Variants in CNTN3 observed in about 807,000 individuals in gnomAD.
CNTN3 encodes the protein contactin-3.
CNTN3 carries 60 observed loss-of-function variants against 119.1 expected under a neutral mutation model. The observed-to-expected ratio is 0.50, with a 90% CI of 0.41 to 0.62. CNTN3 has a LOEUF of 0.62. Ranked by LOEUF, CNTN3 falls within the 20% of genes least tolerant of loss-of-function variation. The pLI is 0.00. For synonymous variants in CNTN3, 450 were observed against 438.7 expected, an observed-to-expected ratio of 1.03 and a Z score of -0.32; for missense variants, 1,101 against 1,242.4, an observed-to-expected ratio of 0.89 and a Z score of 1.71.
intron 5 of CNTN3, among the ~76,000 whole-genome samples, chr3:74,376,632 C>A (rs756910017): frequency 1.3e-5 from 2 of 151,932 alleles, no homozygotes; most frequent in Non-Finnish European, 2.9e-5. Flanking sequence ...GTAATAATAA[C>A]AGAAATAAAG....
chr3:74,469,108 T>A (rs2106996012), intron 4 of CNTN3, among the ~76,000 whole-genome samples: 1 of 152,246 alleles, frequency 6.6e-6, no homozygotes, highest in Admixed American at 6.5e-5. Flanking sequence ...AATCTTAGAA[T>A]CACAGAAGGG....
intron 20 of CNTN3, among the ~76,000 whole-genome samples, chr3:74,282,500 G>A (rs989163755): frequency 1.3e-5 from 2 of 152,176 alleles, no homozygotes; most frequent in Non-Finnish European, 2.9e-5. Context: ...CTGCTCCTAT[G>A]TGCTGGGTTT....
At chr3:74,482,480 T>C (rs945656424) in intron 4 of CNTN3, among the ~76,000 whole-genome samples, 4 of 152,044 alleles carry the variant, frequency 2.6e-5, no homozygotes, top group African/African-American at 9.7e-5. Context: ...ATATCAGATG[T>C]ATGGCCTTTT....
intron 17 of CNTN3, among the ~76,000 whole-genome samples, chr3:74,299,630 A>C (rs1430612637): frequency 6.6e-6 from 1 of 152,212 alleles, no homozygotes; most frequent in East Asian, 1.9e-4. Context: ...GGAATAGTGG[A>C]TGGCTCAGAG....
chr3:74,337,243 C>T (rs190098872), intron 11 of CNTN3, among the ~76,000 whole-genome samples: 16 of 152,140 alleles, frequency 1.1e-4, no homozygotes, highest in African/African-American at 3.9e-4. Context: ...TCTTAGTATA[C>T]ACTTAGAGTA....
intron 13 of CNTN3, among the ~76,000 whole-genome samples, chr3:74,304,992 C>A (rs922815497): frequency 6.6e-6 from 1 of 152,126 alleles, no homozygotes; most frequent in Non-Finnish European, 1.5e-5. Context: ...ACTCTATGAT[C>A]TTTTAAGGGA....
chr3:74,593,222 C>T (rs1182693233), intron 1 of CNTN3, among the ~76,000 whole-genome samples: 3 of 151,904 alleles, frequency 2.0e-5, no homozygotes, highest in African/African-American at 7.2e-5. Flanking sequence ...GTTTGACATA[C>T]ATAATACATT....
chr3:74,396,606 C>T (rs753441822), intron 5 of CNTN3, among the ~76,000 whole-genome samples: 10 of 151,784 alleles, frequency 6.6e-5, no homozygotes, highest in Non-Finnish European at 1.3e-4. Flanking sequence ...ATTAACTGGG[C>T]GTCATGGTGG....
At chr3:74,442,174 CACAGAGAG>C (rs201766552) in intron 4 of CNTN3, among the ~76,000 whole-genome samples, 1,146 of 113,674 alleles carry the variant, frequency 0.01, 11 homozygotes, top group African/African-American at 0.03. Flanking sequence ...CACACACACA[CACAGAGAG>C]AGAGAGATTA....
rs780366890 is a variant in CNTN3, at chr3:74,295,216, G to C, written c.2422C>G (p.Gln808Glu). The C allele has an allele frequency of 3.1e-6, 5 of 1,609,392 alleles. No individual in the cohort carries two copies. In the Admixed American group the frequency reaches 6.7e-5, roughly 21 times the overall value. The change falls in exon 19 of 23, where the codon CAA becomes GAA. Residue 808 changes from glutamine (Q) to glutamate (E), a missense_variant. Coordinates refer to ENST00000263665, the MANE Select transcript of CNTN3 (RefSeq NM_020872.3). ...GAAGATAGGCTATTTGCAGAGACTT[G>C]AGATGGGGCCACTGTAGGCTCTGTT... ...AEEEPTVAPS[Q>E]VSANSLSSSE...
intron 5 of CNTN3, among the ~76,000 whole-genome samples, chr3:74,411,518 G>T (rs1265251625): frequency 1.3e-5 from 2 of 152,132 alleles, no homozygotes; most frequent in African/African-American, 2.4e-5. Context: ...AAAGCTCTGA[G>T]AAATAAAAGA....
rs1559678324 is a variant in CNTN3, at chr3:74,610,367, GC to G, written c.-81+4023del. ...AAAAACCCTGTGAGTTTGTGTGTGTGCACACGTGTGTGCGTATGTGTGTTTA... is the reference window on the plus strand; with the variant it reads ...AAAAACCCTGTGAGTTTGTGTGTGTGACACGTGTGTGCGTATGTGTGTTTA... On this transcript the variant is annotated intron_variant, in intron 1 of 22. Transcript: ENST00000263665. Among the ~76,000 whole-genome samples the G allele has an allele frequency of 1.3e-4, 20 of 151,680 alleles. No homozygotes were observed. The South Asian group carries it at 4.2e-3, about 32-fold the overall frequency.
chr3:74,314,109 T>A (rs900807138), intron 13 of CNTN3, among the ~76,000 whole-genome samples: 1 of 152,096 alleles, frequency 6.6e-6, no homozygotes, highest in Admixed American at 6.5e-5. Context: ...ACTGTGGGAG[T>A]TAGGATTTCA....
chr3:74,445,956 G>C (rs1702041835), intron 4 of CNTN3, among the ~76,000 whole-genome samples: 2 of 152,162 alleles, frequency 1.3e-5, no homozygotes, highest in African/African-American at 4.8e-5. Context: ...AATGTGAATG[G>C]CACTTGTGCG....
At chr3:74,613,323 G>A (rs1330213123) in intron 1 of CNTN3, among the ~76,000 whole-genome samples, 1 of 145,062 alleles carries the variant, frequency 6.9e-6, no homozygotes, top group African/African-American at 2.6e-5. Context: ...AATTATTTCT[G>A]GATTTACCTA....
At chr3:74,403,157 C>G (rs146447178) in intron 5 of CNTN3, among the ~76,000 whole-genome samples, 40 of 152,000 alleles carry the variant, frequency 2.6e-4, no homozygotes, top group Non-Finnish European at 4.1e-4. Context: ...CTAACTCTGA[C>G]GATGGTATGG....
intron 11 of CNTN3, among the ~76,000 whole-genome samples, chr3:74,338,169 G>A (rs896894144): frequency 5.3e-5 from 8 of 151,962 alleles, no homozygotes; most frequent in Admixed American, 3.3e-4. Flanking sequence ...TCAGCATGGC[G>A]TCATATATGC....
intron 1 of CNTN3, among the ~76,000 whole-genome samples, chr3:74,602,847 A>T (rs1186552667): frequency 1.3e-5 from 2 of 152,136 alleles, no homozygotes; most frequent in Non-Finnish European, 2.9e-5. Context: ...ATACAATTGC[A>T]TGGTCTAGCT....
intron 1 of CNTN3, among the ~76,000 whole-genome samples, chr3:74,554,789 T>C (rs10222669): frequency 0.14 from 21,061 of 152,220 alleles, 2,275 homozygotes; most frequent in African/African-American, 0.3. Context: ...CTGAAGTTGC[T>C]TGTCAGCTTA....
Sources: allele counts gnomAD v4.1 joint callset (sites outside exome capture counted in the v4.1 genomes callset), GRCh38; gene constraint gnomAD v4.1.1; transcripts MANE v1.5; gene names NCBI Gene and HGNC (gene_info 2026-07-23, HGNC 2026-07-21).